BCL2L13: variants seen among roughly 807,000 people sequenced by gnomAD.
The protein encoded by BCL2L13 is bcl-2-like protein 13.
Under a neutral mutation model 25.8 loss-of-function variants are expected in BCL2L13, and 13 were observed. The ratio of observed to expected loss-of-function variants is 0.50; its 90% CI spans 0.33 to 0.80. The LOEUF is 0.80. Ranked by LOEUF, BCL2L13 falls within the 30% of genes least tolerant of loss-of-function variation. The probability of loss-of-function intolerance (pLI) is 0.02; values close to 1 mark genes in which losing one functional copy is unlikely to be tolerated. For synonymous variants in BCL2L13, 244 were observed against 230.3 expected (o/e 1.06, Z -0.54); for missense variants, 504 against 574.9 (o/e 0.88, Z 1.26).
At chr22:17,695,760 T>G (rs1446686212) in intron 4 of BCL2L13, 1 of 158,068 alleles carries the variant, frequency 6.3e-6, no homozygotes, top group East Asian at 1.8e-4. Context: ...TTTTTACCTT[T>G]AAAAAAAGTT....
At chr22:17,687,441 A>G (rs5747329) in intron 3 of BCL2L13, among the ~76,000 whole-genome samples, 78,938 of 151,932 alleles carry the variant, frequency 0.52, 21,199 homozygotes, top group East Asian at 0.84. Context: ...TCCTGGACTC[A>G]AGTGATCCTC....
intron 1 of BCL2L13, among the ~76,000 whole-genome samples, chr22:17,629,580 CTT>C (rs1020112120): frequency 3.3e-5 from 5 of 152,106 alleles, no homozygotes; most frequent in African/African-American, 1.2e-4. Context: ...AAGGCAAAAA[CTT>C]TTGAAAATTC....
chr22:17,633,656 G>A (rs993067742), upstream of BCL2L13, among the ~76,000 whole-genome samples: 7 of 152,060 alleles, frequency 4.6e-5, no homozygotes, highest in Non-Finnish European at 8.8e-5. Context: ...GACAAAGCGC[G>A]AAAGACTAGA....
intron 1 of BCL2L13, among the ~76,000 whole-genome samples, chr22:17,632,569 A>G (rs2058046987): frequency 6.6e-6 from 1 of 152,134 alleles, no homozygotes; most frequent in Admixed American, 6.6e-5. Context: ...CATTTTGATT[A>G]CAATCTCTCC....
rs534636118 is a variant in BCL2L13 at position 17,643,276 on chromosome 22, A to G, written c.-51+4390A>G. Among the ~76,000 whole-genome samples, 268 of 151,944 alleles carry G rather than the reference A, an allele frequency of 1.8e-3. 3 individuals are homozygous for G. The highest frequency in any genetic ancestry group is 5.9e-3 in the African/African-American group (246 of 41,434). On this transcript the variant is annotated intron_variant, in intron 1 of 6. Transcript: ENST00000317582. ...AGATGGGTGGGGTGAATTTTTTACCATTTGATAATTTTTTTTTTTGAGATG... is the reference window on the plus strand; with the variant it reads ...AGATGGGTGGGGTGAATTTTTTACCGTTTGATAATTTTTTTTTTTGAGATG...
Position 17,655,683 on chromosome 22 carries a change from A to G in BCL2L13, c.-29A>G, listed in dbSNP as rs779265750. ...TTAGGTTTTACACATCCATAAGTAG[A>G]CCTTTTTGGAGCCTCACCAGCCAAT... On this transcript the variant is annotated 5_prime_UTR_variant, in exon 2 of 7. Transcript: ENST00000317582. 28 of 1,604,604 alleles carry G rather than the reference A, an allele frequency of 1.7e-5. No individual in the cohort carries two copies. The highest frequency in any genetic ancestry group is 2.4e-5 in the Non-Finnish European group (28 of 1,176,544).
In BCL2L13 at chr22:17,717,380, C is replaced by CAAAAAAAAAAAA. The variant is rs371314290; in HGVS notation, c.601-9291_601-9290insAAAAAAAAAAAA. 5.5e-5 allele frequency among the ~76,000 whole-genome samples: 7 copies of CAAAAAAAAAAAA among 126,240 alleles called. 2 individuals carry two copies. Among genetic ancestry groups the CAAAAAAAAAAAA allele is most frequent in the Non-Finnish European group, 9.8e-5 (6 of 60,914 alleles). 82.8% of individuals were successfully genotyped at this position (126,240 alleles called of 152,430 possible). Reference sequence around the variant, plus strand: ...GGGGCAACAGAGTGAGACTCTGTCTCAAAAAAGATCCAATGTTGTTGTTCC... The same window carrying CAAAAAAAAAAAA: ...GGGGCAACAGAGTGAGACTCTGTCTCAAAAAAAAAAAAAAAAAAGATCCAATGTTGTTGTTCC... On this transcript the variant is annotated intron_variant, in intron 6 of 6. Coordinates refer to ENST00000317582, the MANE Select transcript of BCL2L13 (RefSeq NM_015367.4).
At chr22:17,707,538 AT>A (rs1568998614) in intron 6 of BCL2L13, among the ~76,000 whole-genome samples, 1 of 152,222 alleles carries the variant, frequency 6.6e-6, no homozygotes, top group Non-Finnish European at 1.5e-5. Context: ...AACAATACAA[AT>A]ATTTTATATG....
At chr22:17,683,159 A>G in intron 2 of BCL2L13, 55 bp from the exon 3 acceptor site, 1 of 991,866 alleles carries the variant, frequency 1.0e-6, no homozygotes, top group Non-Finnish European at 1.5e-6. Flanking sequence ...GTGCTATTAT[A>G]TTCTAATGGT....
chr22:17,666,063 A>G (rs1011412929), intron 2 of BCL2L13, among the ~76,000 whole-genome samples: 5 of 152,176 alleles, frequency 3.3e-5, no homozygotes, highest in South Asian at 2.1e-4. Context: ...TGAAGTGATT[A>G]TGTCATTTTG....
chr22:17,685,026 C>T lies in BCL2L13; in HGVS notation c.229+1705C>T, dbSNP rs540319678. On this transcript the variant is annotated intron_variant, in intron 3 of 6. Transcript: ENST00000317582. The stretch of plus-strand genomic sequence containing the variant: ...CTGGGATTACAGGCATGAGCCACCA[C>T]GCCCGGCCTGTAATTTTTTGTACGT... Among the ~76,000 whole-genome samples the T allele has an allele frequency of 3.0e-4, 45 of 152,146 alleles. 1 individual carries two copies. The highest frequency in any genetic ancestry group is 7.2e-4 in the African/African-American group (30 of 41,530).
Position 17,655,645 on chromosome 22 carries a change from T to G in BCL2L13, c.-50-17T>G. 1.9e-6 allele frequency: 3 copies of G among 1,547,116 alleles called. No homozygotes were observed. The highest frequency in any genetic ancestry group is 2.6e-6 in the Non-Finnish European group (3 of 1,148,648). ...GTAATAAACTTTAAACTGAAAAAAT[T>G]ACTTTTTTGTTCTTAGGTTTTACAC... On this transcript the variant is annotated splice_polypyrimidine_tract_variant and intron_variant, in intron 1 of 6. Coordinates refer to ENST00000317582, the MANE Select transcript of BCL2L13 (RefSeq NM_015367.4).
chr22:17,663,019 C>T (rs755434721), intron 2 of BCL2L13, among the ~76,000 whole-genome samples: 1 of 151,952 alleles, frequency 6.6e-6, no homozygotes, highest in African/African-American at 2.4e-5. Context: ...CACAGGTGCG[C>T]ACCACCATGC....
intron 6 of BCL2L13, among the ~76,000 whole-genome samples, chr22:17,716,354 C>T (rs1273271251): frequency 1.3e-5 from 2 of 152,174 alleles, no homozygotes; most frequent in African/African-American, 4.8e-5. Flanking sequence ...TACCTTTCAT[C>T]ATATTTGCAA....
At chr22:17,653,359 A>G (rs2058748625) in intron 1 of BCL2L13, among the ~76,000 whole-genome samples, 1 of 151,812 alleles carries the variant, frequency 6.6e-6, no homozygotes, top group Non-Finnish European at 1.5e-5. Context: ...TTTCCTATCC[A>G]TCCTTCCCTT....
chr22:17,722,528 C>A (rs1272531865), intron 6 of BCL2L13, among the ~76,000 whole-genome samples: 1 of 152,052 alleles, frequency 6.6e-6, no homozygotes, highest in Non-Finnish European at 1.5e-5. Context: ...AGGTATGAAC[C>A]ACTGTGCCCA....
At position 17,728,613 on chromosome 22, in the gene BCL2L13, C is replaced by CT. The variant is rs1208835076; in HGVS notation, c.*1080dup. 2 of 152,096 alleles carry CT rather than the reference C, an allele frequency of 1.3e-5. No homozygotes were observed. Among genetic ancestry groups the CT allele is most frequent in the African/African-American group, 2.4e-5 (1 of 41,412 alleles). 9.4% of individuals were successfully genotyped at this position (152,096 alleles called of 1,614,324 possible). A position where few individuals can be genotyped will look rare whatever the true frequency, so the allele number is the denominator to read the frequency against. ...ACTGATGAGTTCTATGGGTCTCTTG[C>CT]TAGGGGGTAAGGATTTTTATTCTTG... On this transcript the variant is annotated 3_prime_UTR_variant, in exon 7 of 7. Coordinates refer to ENST00000317582, the MANE Select transcript of BCL2L13 (RefSeq NM_015367.4).
chr22:17,668,706 C>A (rs1356853565), intron 2 of BCL2L13, among the ~76,000 whole-genome samples: 2 of 151,728 alleles, frequency 1.3e-5, no homozygotes, highest in African/African-American at 4.8e-5. Flanking sequence ...ACCTCGTGAT[C>A]CACCTGCCTT....
chr22:17,706,095 GC>G (rs1420297756), intron 6 of BCL2L13, among the ~76,000 whole-genome samples: 1 of 152,106 alleles, frequency 6.6e-6, no homozygotes. Flanking sequence ...CTCATTTGCA[GC>G]CTCAACTTCC....
Sources: gnomAD v4.1 joint callset for allele counts (sites outside exome capture counted in the v4.1 genomes callset) on GRCh38, gnomAD v4.1.1 for gene constraint, MANE v1.5 for transcripts, NCBI Gene and HGNC (gene_info 2026-07-23, HGNC 2026-07-21) for gene names.